The following SEMA5A variants were observed in gnomAD, a reference collection of about 807,000 sequenced individuals.
The protein encoded by SEMA5A is semaphorin 5A, also known as semaphorin-5A.
A neutral mutation model predicts 135.5 loss-of-function variants in SEMA5A; 55 were observed. The ratio of observed to expected loss-of-function variants is 0.41; its 90% CI spans 0.33 to 0.51. The LOEUF (loss-of-function observed/expected upper bound fraction) is 0.51, where lower values mean the gene tolerates loss of function less well. SEMA5A is among the 20% of genes least tolerant of loss of function. The pLI is 0.37. For missense variants in SEMA5A, 1,290 were observed against 1,419.9 expected, an observed-to-expected ratio of 0.91 and a Z score of 1.47; for synonymous variants, 580 against 546.5, an observed-to-expected ratio of 1.06 and a Z score of -0.85.
intron 13 of SEMA5A, among the ~76,000 whole-genome samples, chr5:9,126,277 G>C (rs1408539796): frequency 2.0e-5 from 3 of 152,052 alleles, no homozygotes; most frequent in Non-Finnish European, 4.4e-5. Context: ...TAGTTGAAGG[G>C]GGTAAGGGAG....
chr5:9,221,522 T>C (rs1384199623), intron 8 of SEMA5A, among the ~76,000 whole-genome samples: 4 of 151,884 alleles, frequency 2.6e-5, no homozygotes, highest in Non-Finnish European at 5.9e-5. Flanking sequence ...CAGGATGGTC[T>C]CGATCTCCTG....
In SEMA5A at chr5:9,102,127, A is replaced by G. The variant is rs145667664; in HGVS notation, c.2073+6013T>C. The stretch of plus-strand genomic sequence containing the variant: ...ATGAGGAAACACCAAATATGAATAC[A>G]AAGGGAACTAACGATTACAAACAAG... On this transcript the variant is annotated intron_variant, in intron 16 of 22. Coordinates refer to ENST00000382496, the MANE Select transcript of SEMA5A (RefSeq NM_003966.3). 2.0e-5 allele frequency among the ~76,000 whole-genome samples: 3 copies of G among 152,354 alleles called. No homozygotes were observed. In the East Asian group the frequency reaches 5.8e-4, roughly 29 times the overall value.
Position 9,372,695 on chromosome 5 carries a change from C to T in SEMA5A, c.124+7128G>A, listed in dbSNP as rs371150057. ...CACATGCATGGAGCCATGTCACACA[C>T]GTGCAGCCATGGGAGGCACTTAGAT... On this transcript the variant is annotated intron_variant, in intron 3 of 22. Coordinates refer to ENST00000382496, the MANE Select transcript of SEMA5A (RefSeq NM_003966.3). Among the ~76,000 whole-genome samples, 122 of 152,192 alleles carry T rather than the reference C, an allele frequency of 8.0e-4. 2 individuals carry two copies. The South Asian group carries it at 0.023, about 28-fold the overall frequency.
At chr5:9,388,131 A>G (rs1466330128) in intron 2 of SEMA5A, among the ~76,000 whole-genome samples, 2 of 152,238 alleles carry the variant, frequency 1.3e-5, no homozygotes, top group Non-Finnish European at 2.9e-5. Context: ...ATCTGAACTC[A>G]GAGGAGATGG....
chr5:9,538,148 G>A (rs1159805942), intron 1 of SEMA5A, among the ~76,000 whole-genome samples: 13 of 152,226 alleles, frequency 8.5e-5, no homozygotes. Context: ...GCAAGGAAAT[G>A]AGAGGCAATT....
chr5:9,411,201 G>C (rs946160472), intron 2 of SEMA5A, among the ~76,000 whole-genome samples: 1 of 152,170 alleles, frequency 6.6e-6, no homozygotes, highest in African/African-American at 2.4e-5. Flanking sequence ...CATGTTCTTT[G>C]CTATGCCACT....
intron 14 of SEMA5A, among the ~76,000 whole-genome samples, chr5:9,120,421 C>G (rs1033405401): frequency 6.6e-6 from 1 of 151,938 alleles, no homozygotes; most frequent in African/African-American, 2.4e-5. Flanking sequence ...TGTTTTCCTA[C>G]TTTACTGAAA....
chr5:9,321,388 C>T (rs1038350709), intron 4 of SEMA5A, among the ~76,000 whole-genome samples: 2 of 152,210 alleles, frequency 1.3e-5, no homozygotes, highest in Non-Finnish European at 2.9e-5. Flanking sequence ...CAGCTCCCCA[C>T]CCTCACATAT....
In SEMA5A at chr5:9,292,486, C is replaced by G. The variant is rs567180548; in HGVS notation, c.270+25886G>C. 2.0e-5 allele frequency among the ~76,000 whole-genome samples: 3 copies of G among 152,310 alleles called. No individual in the cohort carries two copies. In the East Asian group the frequency reaches 5.8e-4, roughly 29 times the overall value. ...AGATCATATATCCCCAAACCCTCTTCATTACTGTCTTCAGTTATTAATACA... is the reference window on the plus strand; with the variant it reads ...AGATCATATATCCCCAAACCCTCTTGATTACTGTCTTCAGTTATTAATACA... On this transcript the variant is annotated intron_variant, in intron 5 of 22. Transcript: ENST00000382496.
At position 9,259,664 on chromosome 5, in the gene SEMA5A, G is replaced by A. The variant is rs533580848; in HGVS notation, c.271-21774C>T. Among the ~76,000 whole-genome samples the A allele has an allele frequency of 6.6e-5, 10 of 150,968 alleles. No homozygotes were observed. The East Asian group carries it at 9.8e-4, about 15-fold the overall frequency. On this transcript the variant is annotated intron_variant, in intron 5 of 22. Transcript: ENST00000382496. ...ACTACTGGGTACATAACGAAATGAA[G>A]GCAGAAATAAAGATGTTCTTTGAAA...
intron 1 of SEMA5A, among the ~76,000 whole-genome samples, chr5:9,469,567 C>T (rs1014615864): frequency 6.6e-6 from 1 of 152,186 alleles, no homozygotes; most frequent in African/African-American, 2.4e-5. Flanking sequence ...TTCACTCACT[C>T]GCTCCAGGTC....
chr5:9,273,504 C>G (rs1417310368), intron 5 of SEMA5A, among the ~76,000 whole-genome samples: 2 of 152,008 alleles, frequency 1.3e-5, no homozygotes, highest in Admixed American at 1.3e-4. Context: ...CAAAGATACT[C>G]CTCGAAAAGA....
chr5:9,215,003 T>C (rs1253928421), intron 8 of SEMA5A, among the ~76,000 whole-genome samples: 1 of 152,156 alleles, frequency 6.6e-6, no homozygotes, highest in Non-Finnish European at 1.5e-5. Flanking sequence ...CAGGGAGCGA[T>C]GCACAGTGGA....
intron 3 of SEMA5A, among the ~76,000 whole-genome samples, chr5:9,367,116 A>G (rs1754950671): frequency 6.6e-6 from 1 of 152,250 alleles, no homozygotes; most frequent in African/African-American, 2.4e-5. Context: ...GCTATCCAAT[A>G]TAGTAGACAC....
intron 11 of SEMA5A, among the ~76,000 whole-genome samples, chr5:9,157,963 T>C (rs1229438366): frequency 1.3e-5 from 2 of 152,274 alleles, no homozygotes; most frequent in Non-Finnish European, 2.9e-5. Flanking sequence ...TTTTAGTTAC[T>C]AACTTACTTG....
Position 9,108,128 on chromosome 5 carries a change from A to C in SEMA5A, c.2073+12T>G, listed in dbSNP as rs374488552. ...TGGATTGTGGGCTGGGTGTGAGAAG[A>C]AGGCTACTCACCACATTGCAGCCTG... On this transcript the variant is annotated intron_variant, in intron 16 of 22. Transcript: ENST00000382496. 10 of 1,612,304 alleles carry C rather than the reference A, an allele frequency of 6.2e-6. No individual in the cohort carries two copies. Among genetic ancestry groups the C allele is most frequent in the Non-Finnish European group, 7.6e-6 (9 of 1,178,888 alleles).
At chr5:9,421,551 T>G (rs186131370) in intron 2 of SEMA5A, among the ~76,000 whole-genome samples, 1 of 152,332 alleles carries the variant, frequency 6.6e-6, no homozygotes, top group Admixed American at 6.5e-5. Context: ...TCCCAGGGGT[T>G]GTAATACTGG....
chr5:9,136,687 G>T, intron 12 of SEMA5A, 66 bp from the exon 13 acceptor site: 1 of 1,291,438 alleles, frequency 7.7e-7, no homozygotes, highest in Non-Finnish European at 1.1e-6. Flanking sequence ...CACAAGACAA[G>T]GCGAACCTGT....
chr5:9,495,531 C>A (rs1735260100), intron 1 of SEMA5A, among the ~76,000 whole-genome samples: 1 of 152,146 alleles, frequency 6.6e-6, no homozygotes, highest in African/African-American at 2.4e-5. Flanking sequence ...TAGTGCCAGG[C>A]CCTGTAGCAA....
Sources: allele counts gnomAD v4.1 joint callset (sites outside exome capture counted in the v4.1 genomes callset), GRCh38; gene constraint gnomAD v4.1.1; transcripts MANE v1.5; gene names NCBI Gene and HGNC (gene_info 2026-07-23, HGNC 2026-07-21).